The following SH3KBP1 variants were observed in gnomAD, a reference collection of about 807,000 sequenced individuals.
SH3KBP1 encodes SH3 domain-containing kinase-binding protein 1.
SH3KBP1 carries 8 observed loss-of-function variants against 50.1 expected under a neutral mutation model. The ratio of observed to expected loss-of-function variants is 0.16; its 90% CI spans 0.09 to 0.29. SH3KBP1 has a LOEUF of 0.29. Among genes scored for constraint, SH3KBP1 ranks in the 10% least tolerant of loss-of-function variants. SH3KBP1 has a pLI of 1.00. For missense variants in SH3KBP1, 377 were observed against 535.2 expected, an observed-to-expected ratio of 0.70 and a Z score of 2.92; for synonymous variants, 227 against 218.6, an observed-to-expected ratio of 1.04 and a Z score of -0.34.
intron 12 of SH3KBP1, among the ~76,000 whole-genome samples, chrX:19,579,257 T>A (rs2066291732): frequency 8.9e-6 from 1 of 111,868 alleles, no homozygotes; most frequent in African/African-American, 3.3e-5. Context: ...CAGGCCTCTC[T>A]CCAGAGCCCA....
intron 4 of SH3KBP1, among the ~76,000 whole-genome samples, chrX:19,704,713 C>T (rs1455420968): frequency 1.8e-5 from 2 of 112,270 alleles, no homozygotes. Context: ...AATCAGGTCC[C>T]TGCCATTGAA....
At position 19,743,097 on chromosome X, in the gene SH3KBP1, A is replaced by G. The variant is rs185122049; in HGVS notation, c.286+3221T>C. 3.7e-3 allele frequency among the ~76,000 whole-genome samples: 412 copies of G among 111,616 alleles called. 1 individual carries two copies. The highest frequency in any genetic ancestry group is 0.013 in the African/African-American group (395 of 30,729). On this transcript the variant is annotated intron_variant, in intron 3 of 17. Transcript: ENST00000397821. ...GATGTACTTTCTCTCTCTCAATTCC[A>G]GTCACATCATCTTCTCAAATGAAAA...
At chrX:19,573,828 T>C (rs2066117253) in intron 12 of SH3KBP1, among the ~76,000 whole-genome samples, 1 of 111,138 alleles carries the variant, frequency 9.0e-6, no homozygotes, top group Admixed American at 9.6e-5. Flanking sequence ...CCAGGCCAGG[T>C]GTGCTACATC....
chrX:19,779,561 A>G (rs1431903646), intron 2 of SH3KBP1, among the ~76,000 whole-genome samples: 2 of 84,562 alleles, frequency 2.4e-5, no homozygotes, highest in African/African-American at 8.6e-5. Flanking sequence ...ATATCTCCCA[A>G]TGCTATCCCT....
At chrX:19,771,057 G>T (rs2065776472) in intron 2 of SH3KBP1, among the ~76,000 whole-genome samples, 1 of 111,644 alleles carries the variant, frequency 9.0e-6, no homozygotes, top group African/African-American at 3.3e-5. Context: ...CAGGGAATGG[G>T]GGGTTGAGCC....
chrX:19,709,434 C>T (rs1044911149), intron 3 of SH3KBP1, among the ~76,000 whole-genome samples: 1 of 111,961 alleles, frequency 8.9e-6, no homozygotes, highest in African/African-American at 3.2e-5. Flanking sequence ...AAATAAAAGC[C>T]AGAATGGGCA....
intron 8 of SH3KBP1, among the ~76,000 whole-genome samples, chrX:19,631,007 G>A (rs1469306318): frequency 9.0e-6 from 1 of 111,414 alleles, no homozygotes; most frequent in Non-Finnish European, 1.9e-5. Context: ...CCTCCACCCT[G>A]CCAAGGCTTC....
intron 2 of SH3KBP1, among the ~76,000 whole-genome samples, chrX:19,759,272 T>C (rs1406762074): frequency 9.0e-6 from 1 of 111,485 alleles, no homozygotes; most frequent in Non-Finnish European, 1.9e-5. Flanking sequence ...TGTGGTCCTA[T>C]GGCCATGTCC....
chrX:19,804,443 C>T (rs753000092), intron 2 of SH3KBP1, among the ~76,000 whole-genome samples: 2 of 110,772 alleles, frequency 1.8e-5, no homozygotes, highest in Non-Finnish European at 3.8e-5. Flanking sequence ...TCATAAAGAA[C>T]TAGTGAGTTC....
chrX:19,698,986 G>T (rs1222125469), intron 4 of SH3KBP1, among the ~76,000 whole-genome samples: 1 of 112,040 alleles, frequency 8.9e-6, no homozygotes, highest in Non-Finnish European at 1.9e-5. Flanking sequence ...ACAGAAAAAG[G>T]TTTCCTTCCT....
At chrX:19,832,954 G>A (rs1223315723) in intron 2 of SH3KBP1, among the ~76,000 whole-genome samples, 2 of 112,558 alleles carry the variant, frequency 1.8e-5, no homozygotes, top group Non-Finnish European at 3.8e-5. Flanking sequence ...CCTATGCTAT[G>A]AGCAAATTCC....
chrX:19,773,850 C>T (rs1027731287), intron 2 of SH3KBP1, among the ~76,000 whole-genome samples: 7 of 74,178 alleles, frequency 9.4e-5, no homozygotes, highest in Admixed American at 1.8e-4. Flanking sequence ...AGCGAGACTC[C>T]GGCTCGAAAA....
chrX:19,762,726 C>T (rs970326549), intron 2 of SH3KBP1, among the ~76,000 whole-genome samples: 38 of 112,164 alleles, frequency 3.4e-4, no homozygotes, highest in African/African-American at 1.2e-3. Context: ...GTCTAGGCAG[C>T]AGGCAAGGTG....
chrX:19,801,505 AT>A (rs763632592), intron 2 of SH3KBP1, among the ~76,000 whole-genome samples: 1 of 112,167 alleles, frequency 8.9e-6, no homozygotes, highest in South Asian at 3.7e-4. Flanking sequence ...AGAGTTTATA[AT>A]TTGGGAGACT....
chrX:19,696,045 A>G (rs1353250613), intron 4 of SH3KBP1, among the ~76,000 whole-genome samples: 1 of 112,042 alleles, frequency 8.9e-6, no homozygotes, highest in East Asian at 2.8e-4. Context: ...TAACACACCA[A>G]TATTAGAAGG....
chrX:19,643,305 TTATTTTTTTTTTTTTTA>T lies in SH3KBP1; in HGVS notation c.802+2078_802+2094del, dbSNP rs1248827918. Among the ~76,000 whole-genome samples, 129 of 89,277 alleles carry T rather than the reference TTATTTTTTTTTTTTTTA, an allele frequency of 1.4e-3. 6 individuals carry two copies. The highest frequency in any genetic ancestry group is 7.0e-3 in the African/African-American group (118 of 16,945). The allele number at this position is 89,277 out of a possible 115,157, so 77.5% of individuals were successfully genotyped here. A position where few individuals can be genotyped will look rare whatever the true frequency, so the allele number is the denominator to read the frequency against. On this transcript the variant is annotated intron_variant, in intron 7 of 17. Coordinates refer to ENST00000397821, the MANE Select transcript of SH3KBP1 (RefSeq NM_031892.3). ...GTGTGGGCTGAAACTGAAGAATTTT[TTATTTTTTTTTTTTTTA>T]TTTTTTTTTTTTTTTGAGACAGGGT...
At chrX:19,604,254 A>G (rs193091962) in intron 9 of SH3KBP1, among the ~76,000 whole-genome samples, 36 of 111,988 alleles carry the variant, frequency 3.2e-4, no homozygotes, top group African/African-American at 1.2e-3. Context: ...TAATTGCTCT[A>G]AAATATGCAC....
intron 3 of SH3KBP1, among the ~76,000 whole-genome samples, chrX:19,743,730 A>G (rs931668817): frequency 1.8e-5 from 2 of 112,392 alleles, no homozygotes; most frequent in African/African-American, 6.5e-5. Flanking sequence ...CAAGACGCAA[A>G]AACAGCTGGA....
chrX:19,655,167 A>G (rs1190025763), intron 6 of SH3KBP1, among the ~76,000 whole-genome samples: 1 of 112,423 alleles, frequency 8.9e-6, no homozygotes, highest in Admixed American at 9.4e-5. Context: ...GGTCAAAGCC[A>G]TATTTTCTTC....
Sources: allele counts gnomAD v4.1 joint callset (sites outside exome capture counted in the v4.1 genomes callset), GRCh38; gene constraint gnomAD v4.1.1; transcripts MANE v1.5; gene names NCBI Gene and HGNC (gene_info 2026-07-23, HGNC 2026-07-21).